Variants in CUL3 observed in about 807,000 individuals in gnomAD.
CUL3 encodes the protein cullin-3.
Under a neutral mutation model 89.1 loss-of-function variants are expected in CUL3, and 19 were observed. That is an observed-to-expected ratio of 0.21 (90% CI 0.15 to 0.31). The LOEUF (loss-of-function observed/expected upper bound fraction) is 0.31, where lower values mean the gene tolerates loss of function less well. Among genes scored for constraint, CUL3 ranks in the 10% least tolerant of loss-of-function variants. CUL3 has a pLI of 1.00. For synonymous variants in CUL3, 351 were observed against 308.4 expected, an observed-to-expected ratio of 1.14 and a Z score of -1.45; for missense variants, 469 against 942.3, an observed-to-expected ratio of 0.50 and a Z score of 6.58.
chr2:224,476,103 A>G (rs1691310451), intron 15 of CUL3, among the ~76,000 whole-genome samples: 1 of 151,644 alleles, frequency 6.6e-6, no homozygotes, highest in East Asian at 1.9e-4. Context: ...GGCTCACTGC[A>G]ACCTTCGCCT....
intron 3 of CUL3, among the ~76,000 whole-genome samples, chr2:224,516,295 C>T (rs993987985): frequency 2.0e-4 from 31 of 151,258 alleles, no homozygotes; most frequent in African/African-American, 7.5e-4. Context: ...TTCCCTCTGA[C>T]CACGTCCCTC....
At chr2:224,536,453 T>C (rs1019263477) in intron 2 of CUL3, among the ~76,000 whole-genome samples, 1 of 152,246 alleles carries the variant, frequency 6.6e-6, no homozygotes, top group African/African-American at 2.4e-5. Context: ...TTACCTACTA[T>C]ATTAGTTTAT....
intron 1 of CUL3, among the ~76,000 whole-genome samples, chr2:224,573,553 G>C (rs891212266): frequency 2.0e-5 from 3 of 152,156 alleles, no homozygotes; most frequent in African/African-American, 4.8e-5. Flanking sequence ...GCTTACGAAG[G>C]CTTCTTCCAA....
intron 3 of CUL3, among the ~76,000 whole-genome samples, chr2:224,515,137 G>A (rs887958992): frequency 2.0e-5 from 3 of 152,310 alleles, no homozygotes; most frequent in Middle Eastern, 6.8e-3. Flanking sequence ...TGTAGTTGAA[G>A]ATCATATTCT....
chr2:224,569,823 T>C (rs560763409), intron 1 of CUL3: 63 of 1,046,022 alleles, frequency 6.0e-5, no homozygotes, highest in Non-Finnish European at 6.8e-5. Flanking sequence ...AATAATTTTC[T>C]ACAAGAAAAA....
At chr2:224,542,945 C>T (rs1036621118) in intron 2 of CUL3, among the ~76,000 whole-genome samples, 11 of 152,150 alleles carry the variant, frequency 7.2e-5, no homozygotes, top group African/African-American at 2.4e-4. Context: ...GGGCCAGCAG[C>T]TCTTGGGCTA....
chr2:224,518,934 C>G (rs1693166005), intron 3 of CUL3, among the ~76,000 whole-genome samples: 1 of 152,126 alleles, frequency 6.6e-6, no homozygotes, highest in African/African-American at 2.4e-5. Context: ...TATCTTAAGC[C>G]CTCTGGCAAA....
chr2:224,482,266 G>C (rs1691563321), intron 13 of CUL3, among the ~76,000 whole-genome samples, 188 bp from the exon 14 acceptor site: 1 of 152,188 alleles, frequency 6.6e-6, no homozygotes, highest in African/African-American at 2.4e-5. Flanking sequence ...CGAGAGGAAA[G>C]GGTGATTCAA....
intron 15 of CUL3, among the ~76,000 whole-genome samples, chr2:224,476,715 A>G (rs181346468): frequency 6.6e-5 from 10 of 152,202 alleles, no homozygotes; most frequent in Non-Finnish European, 1.2e-4. Flanking sequence ...TCTCTATACA[A>G]TCCTCACCTT....
At chr2:224,560,727 C>T (rs1694875983) in intron 1 of CUL3, 1 of 152,410 alleles carries the variant, frequency 6.6e-6, no homozygotes, top group African/African-American at 2.4e-5. Context: ...GGCCTGCTAT[C>T]ATCAGGCAAC....
At chr2:224,539,989 A>AG (rs34148987) in intron 2 of CUL3, among the ~76,000 whole-genome samples, 119 of 150,638 alleles carry the variant, frequency 7.9e-4, no homozygotes, top group Admixed American at 1.7e-3. Context: ...ATGTGCATAC[A>AG]GGGGGGGAGG....
chr2:224,497,786 A>T lies in CUL3; in HGVS notation c.1674T>A (p.Asp558Glu). Residue 558 changes from aspartate (D) to glutamate (E), a missense_variant, in exon 12 of 16, where the codon GAT (aspartate) becomes GAA (glutamate). By Grantham distance (45) the Asp-to-Glu change is conservative. Transcript: ENST00000264414. ...LTLQHHMGSA[D>E]LNATFYGPVK... is the part of the protein sequence containing the mutation. ...CTGGTCCATAAAATGTGGCATTGAGATCTGCAGAACCCATATGATGCTGGA... is the reference window on the plus strand; with the variant it reads ...CTGGTCCATAAAATGTGGCATTGAGTTCTGCAGAACCCATATGATGCTGGA... 1.2e-6 allele frequency: 2 copies of T among 1,613,980 alleles called. No homozygotes were observed. Among genetic ancestry groups the T allele is most frequent in the Non-Finnish European group, 8.5e-7 (1 of 1,179,844 alleles).
chr2:224,536,741 A>C (rs140400782), intron 2 of CUL3, among the ~76,000 whole-genome samples: 4 of 152,308 alleles, frequency 2.6e-5, no homozygotes, highest in African/African-American at 9.6e-5. Context: ...CACAGTCCAC[A>C]AGCTTAGTAC....
At chr2:224,503,882 G>T in intron 8 of CUL3, 60 bp from the exon 9 acceptor site, 1 of 1,274,346 alleles carries the variant, frequency 7.8e-7, no homozygotes, top group African/African-American at 1.5e-5. Context: ...GCAGTACTAC[G>T]GTTCATTTAC....
rs2106205709 is a variant in CUL3, at chr2:224,506,875, G to A, written c.1012C>T (p.Pro338Ser). The A allele has an allele frequency of 6.2e-7, 1 of 1,613,388 alleles. No individual in the cohort carries two copies. The highest frequency in any genetic ancestry group is 8.5e-7 in the Non-Finnish European group (1 of 1,179,668). ...LVSEEGEGKN[P>S]VDYIQGLLDL... ...TTACTTACCTGGATATAGTCAACAG[G>A]ATTCTTTCCTTCTCCTTCTTCAGAA... Residue 338 changes from proline to serine, a missense_variant, in exon 7 of 16, where the codon CCT (proline) becomes TCT (serine). Pro to Ser is a moderately conservative substitution (Grantham distance 74, BLOSUM62 -1). Coordinates refer to ENST00000264414, the MANE Select transcript of CUL3 (RefSeq NM_003590.5).
intron 1 of CUL3, among the ~76,000 whole-genome samples, chr2:224,584,584 G>C (rs1212793922): frequency 6.6e-6 from 1 of 151,982 alleles, no homozygotes; most frequent in Non-Finnish European, 1.5e-5. Context: ...ACACAGGGAG[G>C]ACTCCGCGGC....
intron 2 of CUL3, among the ~76,000 whole-genome samples, chr2:224,547,623 A>G (rs1694353524): frequency 6.6e-6 from 1 of 151,948 alleles, no homozygotes; most frequent in Non-Finnish European, 1.5e-5. Context: ...CATAGGAGAA[A>G]CTCAATCTCT....
chr2:224,498,445 A>G (rs1692253084), intron 11 of CUL3, among the ~76,000 whole-genome samples: 1 of 152,162 alleles, frequency 6.6e-6, no homozygotes, highest in African/African-American at 2.4e-5. Flanking sequence ...TTGCCCCAAT[A>G]TAACAATCAT....
chr2:224,565,234 A>C (rs1695014246), intron 1 of CUL3, among the ~76,000 whole-genome samples: 2 of 152,224 alleles, frequency 1.3e-5, no homozygotes, highest in Non-Finnish European at 2.9e-5. Context: ...GAATAAAGAG[A>C]AAAAATATTA....
Sources: allele counts gnomAD v4.1 joint callset (sites outside exome capture counted in the v4.1 genomes callset), GRCh38; gene constraint gnomAD v4.1.1; transcripts MANE v1.5; gene names NCBI Gene and HGNC (gene_info 2026-07-23, HGNC 2026-07-21).